Variants in CHD8 observed in about 807,000 individuals in gnomAD.
CHD8 encodes the protein ATP-dependent chromatin remodeler CHD8.
CHD8 carries 31 observed loss-of-function variants against 279.2 expected under a neutral mutation model. That is an observed-to-expected ratio of 0.11 (90% confidence interval 0.08 to 0.15). CHD8 has a LOEUF of 0.15. CHD8 is among the 10% of genes least tolerant of loss of function. CHD8 has a pLI of 1.00. For missense variants in CHD8, 2,146 were observed against 3,230.5 expected (o/e 0.66, Z 8.14); for synonymous variants, 1,081 against 1,139.6 (o/e 0.95, Z 1.04).
Position 21,412,937 on chromosome 14 carries a change from G to A in CHD8, c.2202C>T (p.His734=). 1 of 1,608,248 alleles carries A rather than the reference G, an allele frequency of 6.2e-7. No homozygotes were observed. Among genetic ancestry groups the A allele is most frequent in the Non-Finnish European group, 8.5e-7 (1 of 1,174,912 alleles). The change falls in exon 10 of 38, where the codon CAC becomes CAT. Residue 734 remains histidine, a synonymous_variant. Transcript: ENST00000646647. ...CCTCCCCATTGTCCTTGTCAATACT[G>A]TGAGACTCATCCAATATCCTATCCA... ...VEVDRILDES[H]SIDKDNGEPV...
Position 21,409,994 on chromosome 14 carries a change from AG to A in CHD8, c.2227-7del. 1 of 1,604,298 alleles carries A rather than the reference AG, an allele frequency of 6.2e-7. No individual in the cohort carries two copies. Among genetic ancestry groups the A allele is most frequent in the Non-Finnish European group, 8.5e-7 (1 of 1,175,650 alleles). ...ACCAGGTAGTAAATAACGGGCTAGG[AG>A]AGAAGAAACCAAAGCCTTAAGAAAC... On this transcript the variant is annotated splice_region_variant and splice_polypyrimidine_tract_variant and intron_variant, in intron 10 of 37. Transcript: ENST00000646647.
chr14:21,394,832 A>G (rs1887706519), intron 30 of CHD8, 80 bp downstream of exon 30: 1 of 1,454,050 alleles, frequency 6.9e-7, no homozygotes. Context: ...AATTCCAAAT[A>G]AATCCTTCCT....
At chr14:21,423,230 A>G (rs150647625) in intron 5 of CHD8, among the ~76,000 whole-genome samples, 4 of 152,328 alleles carry the variant, frequency 2.6e-5, no homozygotes, top group African/African-American at 9.6e-5. Context: ...AAATAAAAAA[A>G]AGAAAGAAAA....
At position 21,431,709 on chromosome 14, in the gene CHD8, TCTCCC is replaced by T. The variant is rs1889571648; in HGVS notation, c.-71_-67del. 4.4e-6 allele frequency: 7 copies of T among 1,602,258 alleles called. No individual in the cohort carries two copies. Among genetic ancestry groups the T allele is most frequent in the Non-Finnish European group, 6.0e-6 (7 of 1,173,784 alleles). ...AGGGAAGGGGAGGGGGGGTACTGGCTCTCCCCTCCCCTCCCCTATTAAGAAAAAAA... is the reference window on the plus strand; with the variant it reads ...AGGGAAGGGGAGGGGGGGTACTGGCTCTCCCCTCCCCTATTAAGAAAAAAA... On this transcript the variant is annotated 5_prime_UTR_variant, in exon 2 of 38. Transcript: ENST00000646647.
At position 21,405,881 on chromosome 14, in the gene CHD8, C is replaced by T. The variant is rs766825529; in HGVS notation, c.2908-17G>A. On this transcript the variant is annotated splice_polypyrimidine_tract_variant and intron_variant, in intron 14 of 37. Coordinates refer to ENST00000646647, the MANE Select transcript of CHD8 (RefSeq NM_001170629.2). The surrounding 1 kb of genome is among the most constrained non-coding windows in gnomAD (Gnocchi z 4.2). ...CTTGTGTTCCTAGAAATGGAGGAAA[C>T]AAAAGAATAAAATTTAAAAACATGA... The T allele has an allele frequency of 6.3e-7, 1 of 1,595,728 alleles. No individual in the cohort carries two copies. Among genetic ancestry groups the T allele is most frequent in the Non-Finnish European group, 8.5e-7 (1 of 1,172,484 alleles).
Position 21,389,303 on chromosome 14 carries a change from A to G in CHD8, c.7182+1644T>C, listed in dbSNP as rs547940011. Among the ~76,000 whole-genome samples the G allele has an allele frequency of 4.1e-4, 30 of 73,756 alleles. No homozygotes were observed. In the Middle Eastern group the frequency reaches 0.02, roughly 49 times the overall value. 48.4% of individuals were successfully genotyped at this position (73,756 alleles called of 152,430 possible). ...CAACAGAGCAAGACTCCGTCTCAGG[A>G]AAAAAAAAAAAAAATTACAACTATT... On this transcript the variant is annotated intron_variant, in intron 37 of 37. Transcript: ENST00000646647.
chr14:21,391,586 C>T lies in CHD8; in HGVS notation c.6942G>A (p.Arg2314=). ...CATCCACCTTATTGATGACAGGGAT[C>T]CGGGTCTCCAGGTCCACATCAAGGT... ...PNHLDVDLET[R]IPVINKVDGT... is the part of the protein sequence containing the mutation. Residue 2314 remains arginine, a synonymous_variant, in exon 36 of 38, where the codon CGG becomes CGA. Transcript: ENST00000646647. The T allele has an allele frequency of 1.2e-6, 2 of 1,612,786 alleles. No homozygotes were observed. Among genetic ancestry groups the T allele is most frequent in the Non-Finnish European group, 1.7e-6 (2 of 1,179,376 alleles).
chr14:21,439,101 T>G (rs1889891965), intron 1 of CHD8, among the ~76,000 whole-genome samples: 1 of 151,980 alleles, frequency 6.6e-6, no homozygotes, highest in Admixed American at 6.6e-5. Flanking sequence ...CACTCCAGCC[T>G]GGGCAACACA....
rs375948029 is a variant in CHD8, at chr14:21,395,400, G to C, written c.5128-48C>G. On this transcript the variant is annotated intron_variant, in intron 28 of 37. Coordinates refer to ENST00000646647, the MANE Select transcript of CHD8 (RefSeq NM_001170629.2). Reference sequence around the variant, plus strand: ...TAGGATGGAGCGGGGAGGGAAAGGGGGGGAAGTTGGCACTCTGAAATCACT... The same window carrying C: ...TAGGATGGAGCGGGGAGGGAAAGGGCGGGAAGTTGGCACTCTGAAATCACT... The C allele has an allele frequency of 5.9e-6, 8 of 1,361,648 alleles. No homozygotes were observed. The African/African-American group carries it at 1.1e-4, about 19-fold the overall frequency. The allele number at this position is 1,361,648 out of a possible 1,614,324, so 84.3% of individuals were successfully genotyped here.
Position 21,431,003 on chromosome 14 carries a change from C to G in CHD8, c.641G>C (p.Gly214Ala). Reference sequence around the variant, plus strand: ...TGTATTACCAGAGACAATGGAAACACCTGGTCGAAGGGGTGTGCCGGTTAG... The same window carrying G: ...TGTATTACCAGAGACAATGGAAACAGCTGGTCGAAGGGGTGTGCCGGTTAG... Reference protein sequence around the residue: ...KVLTGTPLRPGVSIVSGNTVL... With the variant: ...KVLTGTPLRPAVSIVSGNTVL... The change falls in exon 2 of 38, where the codon GGT becomes GCT. Residue 214 changes from glycine to alanine, a missense_variant. Gly to Ala is a moderately conservative substitution (Grantham distance 60). Transcript: ENST00000646647. 1.9e-6 allele frequency: 3 copies of G among 1,599,526 alleles called. No individual in the cohort carries two copies. Among genetic ancestry groups the G allele is most frequent in the Non-Finnish European group, 2.5e-6 (3 of 1,179,780 alleles).
chr14:21,432,337 T>C (rs939134519), intron 1 of CHD8, among the ~76,000 whole-genome samples: 3 of 152,118 alleles, frequency 2.0e-5, no homozygotes, highest in African/African-American at 7.2e-5. Context: ...AATAACCACC[T>C]TTAACCAAGG....
chr14:21,410,050 A>T, intron 10 of CHD8, 62 bp from the exon 11 acceptor site: 1 of 1,476,880 alleles, frequency 6.8e-7, no homozygotes, highest in Non-Finnish European at 9.1e-7. Flanking sequence ...CCAGTTAAAG[A>T]ATAAAAATTT....
At chr14:21,438,371 T>C (rs1889866947) in intron 1 of CHD8, among the ~76,000 whole-genome samples, 1 of 151,604 alleles carries the variant, frequency 6.6e-6, no homozygotes, top group Admixed American at 6.6e-5. Context: ...AGGACACTGT[T>C]ATTAAAAAGA....
chr14:21,391,065 T>G lies in CHD8; in HGVS notation c.7066-2A>C. The G allele has an allele frequency of 1.3e-6, 2 of 1,532,698 alleles. No homozygotes were observed. Among genetic ancestry groups the G allele is most frequent in the Non-Finnish European group, 1.8e-6 (2 of 1,121,898 alleles). The allele number at this position is 1,532,698 out of a possible 1,614,324, so 94.9% of individuals were successfully genotyped here. A position where few individuals can be genotyped will look rare whatever the true frequency, so the allele number is the denominator to read the frequency against. Reference sequence around the variant, plus strand: ...CTGTTTTCTGCGATCCTCCATATACTGCAATAGAAAAAATCAGTTATCCTA... The same window carrying G: ...CTGTTTTCTGCGATCCTCCATATACGGCAATAGAAAAAATCAGTTATCCTA... On this transcript the variant is annotated splice_acceptor_variant, in intron 36 of 37. Coordinates refer to ENST00000646647, the MANE Select transcript of CHD8 (RefSeq NM_001170629.2). LOFTEE classifies it high-confidence loss of function.
Position 21,386,181 on chromosome 14 carries a change from G to C in CHD8, c.7183-5C>G, listed in dbSNP as rs751667544. On this transcript the variant is annotated splice_region_variant and splice_polypyrimidine_tract_variant and intron_variant, in intron 37 of 37. Transcript: ENST00000646647. Reference sequence around the variant, plus strand: ...CACCGTTTCAGTGTGATGACCCTAGGAGGAGGGAATAGAAGATAATAAAAA... The same window carrying C: ...CACCGTTTCAGTGTGATGACCCTAGCAGGAGGGAATAGAAGATAATAAAAA... 5 of 1,550,040 alleles carry C rather than the reference G, an allele frequency of 3.2e-6. No homozygotes were observed. The highest frequency in any genetic ancestry group is 4.4e-6 in the Non-Finnish European group (5 of 1,145,906).
At chr14:21,441,229 A>G (rs539842155) in intron 1 of CHD8, among the ~76,000 whole-genome samples, 1 of 152,286 alleles carries the variant, frequency 6.6e-6, no homozygotes, top group African/African-American at 2.4e-5. Flanking sequence ...CAGCAGTGTG[A>G]CCTTGACCTT....
chr14:21,391,528 G>A lies in CHD8; in HGVS notation c.7000C>T (p.Arg2334Trp), dbSNP rs75084078. Residue 2334 changes from arginine to tryptophan, a missense_variant, in exon 36 of 38, where the codon CGG (arginine) becomes TGG (tryptophan). Physicochemically the swap from Arg to Trp is moderately radical, Grantham distance 101. This residue lies in a region of CHD8 where 336 missense variants were observed against 392.9 expected (regional missense o/e 0.86). Transcript: ENST00000646647. ...TLLVGEDAPR[R>W]AELEMWLQGH... ...TGTAACCACATCTCCAGTTCAGCCC[G>A]GCGAGGGGCATCCTCACCCACCAGC... 2.8e-5 allele frequency: 45 copies of A among 1,613,812 alleles called. No homozygotes were observed. The highest frequency in any genetic ancestry group is 3.6e-5 in the Non-Finnish European group (42 of 1,179,826).
intron 34 of CHD8, 42 bp from the exon 35 acceptor site, chr14:21,391,988 T>A: frequency 3.6e-6 from 5 of 1,391,414 alleles, no homozygotes; most frequent in African/African-American, 1.4e-5. Context: ...ATATGGTACA[T>A]GTTTTTCAAA....
At chr14:21,445,937 T>C (rs546367519) in intron 1 of CHD8, among the ~76,000 whole-genome samples, 1 of 151,056 alleles carries the variant, frequency 6.6e-6, no homozygotes, top group South Asian at 2.1e-4. Flanking sequence ...GAGGTGAAGG[T>C]TGCAGTGAGC....
Sources: allele counts gnomAD v4.1 joint callset (sites outside exome capture counted in the v4.1 genomes callset), GRCh38; gene constraint gnomAD v4.1.1; regional missense constraint gnomAD v4.1.1; non-coding constraint Gnocchi (gnomAD v3.1); transcripts MANE v1.5; gene names NCBI Gene and HGNC (gene_info 2026-07-23, HGNC 2026-07-21).